The following PIK3CD variants were observed in gnomAD, a reference collection of about 807,000 sequenced individuals.
PIK3CD encodes the protein phosphatidylinositol 4,5-bisphosphate 3-kinase catalytic subunit delta isoform.
Under a neutral mutation model 122.9 loss-of-function variants are expected in PIK3CD, and 20 were observed. That is an observed-to-expected ratio of 0.16 (90% confidence interval 0.11 to 0.24). PIK3CD has a LOEUF of 0.24. Among genes scored for constraint, PIK3CD ranks in the 10% least tolerant of loss-of-function variants. The pLI is 1.00. For missense variants in PIK3CD, 787 were observed against 1,406.3 expected, an observed-to-expected ratio of 0.56 and a Z score of 7.04; for synonymous variants, 596 against 593.4, an observed-to-expected ratio of 1.00 and a Z score of -0.06.
At chr1:9,655,786 C>A (rs1236116966) in intron 1 of PIK3CD, among the ~76,000 whole-genome samples, 5 of 148,718 alleles carry the variant, frequency 3.4e-5, no homozygotes, top group African/African-American at 5.0e-5. Context: ...CAACCTCTGC[C>A]TCCAGGTTCA....
chr1:9,691,778 T>G, intron 2 of PIK3CD: 4 of 367,418 alleles, frequency 1.1e-5, no homozygotes, highest in Non-Finnish European at 1.4e-5. Flanking sequence ...ACCTCAGCCA[T>G]TCCCAGGAGA....
chr1:9,667,315 A>G (rs1397501590), intron 1 of PIK3CD, among the ~76,000 whole-genome samples: 2 of 152,098 alleles, frequency 1.3e-5, no homozygotes, highest in Non-Finnish European at 2.9e-5. Flanking sequence ...TGGGTGACCA[A>G]TTTATCCCAG....
chr1:9,709,333 T>TG (rs1646961441), intron 2 of PIK3CD, among the ~76,000 whole-genome samples: 1 of 151,672 alleles, frequency 6.6e-6, no homozygotes, highest in African/African-American at 2.4e-5. Context: ...TGTGAGCCAC[T>TG]GCACCCGGCC....
intron 1 of PIK3CD, among the ~76,000 whole-genome samples, chr1:9,673,947 G>A (rs1182224923): frequency 6.6e-6 from 1 of 152,174 alleles, no homozygotes; most frequent in African/African-American, 2.4e-5. Context: ...CAGGCATGGC[G>A]ACCTCTGTGG....
chr1:9,684,536 C>CAA (rs887585173), intron 1 of PIK3CD, among the ~76,000 whole-genome samples: 9 of 67,300 alleles, frequency 1.3e-4, no homozygotes, highest in South Asian at 4.6e-4. Context: ...GACTCCGTCT[C>CAA]AAAAAAAAAA....
chr1:9,711,737 A>G (rs968051096), intron 3 of PIK3CD, among the ~76,000 whole-genome samples: 7 of 151,272 alleles, frequency 4.6e-5, no homozygotes, highest in Non-Finnish European at 8.9e-5. Flanking sequence ...ATCAAGCCCA[A>G]CTAATTTTTC....
intron 1 of PIK3CD, among the ~76,000 whole-genome samples, chr1:9,684,667 CA>C (rs914844016): frequency 7.3e-5 from 11 of 151,482 alleles, no homozygotes; most frequent in African/African-American, 2.7e-4. Flanking sequence ...CCAGCCTGGA[CA>C]ACATAGCAAG....
chr1:9,660,271 G>A (rs904511002), intron 1 of PIK3CD, among the ~76,000 whole-genome samples: 2 of 152,180 alleles, frequency 1.3e-5, no homozygotes, highest in Admixed American at 6.5e-5. Context: ...CCACTCTATG[G>A]CTTTTGTGAA....
chr1:9,682,650 A>G (rs1389852085), intron 1 of PIK3CD, among the ~76,000 whole-genome samples: 1 of 152,066 alleles, frequency 6.6e-6, no homozygotes, highest in East Asian at 1.9e-4. Flanking sequence ...CCTGGGTTCA[A>G]GCGATTTTCC....
At chr1:9,694,144 T>G (rs1356877953) in intron 2 of PIK3CD, among the ~76,000 whole-genome samples, 1 of 152,198 alleles carries the variant, frequency 6.6e-6, no homozygotes. Context: ...CCATACAGCC[T>G]CTGGGCAGAC....
At chr1:9,630,739 T>TGTGTGTGTGC in the PIK3CD span, among the ~76,000 whole-genome samples, 87 of 150,960 alleles carry the variant, frequency 5.8e-4, no homozygotes, top group African/African-American at 1.9e-3. Flanking sequence ...TGTGTGTGTG[T>TGTGTGTGTGC]GCAGAAGAGG....
chr1:9,661,322 T>C (rs7533856), intron 1 of PIK3CD, among the ~76,000 whole-genome samples: 5,837 of 151,930 alleles, frequency 0.038, 249 homozygotes, highest in East Asian at 0.095. Flanking sequence ...TCAGGTGATC[T>C]ACTCGCCTCG....
upstream of PIK3CD, among the ~76,000 whole-genome samples, chr1:9,650,969 G>A (rs1305820209): frequency 2.0e-5 from 3 of 152,046 alleles, no homozygotes; most frequent in East Asian, 1.9e-4. Flanking sequence ...TCAGCCTCCC[G>A]AGTAGCTGGG....
rs199957522 is a variant in PIK3CD at position 9,723,321 on chromosome 1, C to T, written c.2594+29C>T. 1.6e-5 allele frequency: 25 copies of T among 1,612,492 alleles called. No individual in the cohort carries two copies. The East Asian group carries it at 4.7e-4, about 30-fold the overall frequency. ...GGTTTCAGGCCCAGGGATAGGTTCC[C>T]TCTCCTTTCCAAGAGGTGTGGAGTG... On this transcript the variant is annotated intron_variant, in intron 20 of 23. Coordinates refer to ENST00000377346, the MANE Select transcript of PIK3CD (RefSeq NM_005026.5). This position sits in a 1 kb window ranked among gnomAD's most constrained non-coding sequence, Gnocchi z 4.9.
intron 2 of PIK3CD, among the ~76,000 whole-genome samples, chr1:9,695,569 C>A (rs976801401): frequency 6.6e-6 from 1 of 152,136 alleles, no homozygotes; most frequent in African/African-American, 2.4e-5. Context: ...ACAGGCCAGG[C>A]GCAATGGCTC....
At chr1:9,628,846 GGAGACACT>G in the PIK3CD span, among the ~76,000 whole-genome samples, 1 of 152,108 alleles carries the variant, frequency 6.6e-6, no homozygotes, top group African/African-American at 2.4e-5. Flanking sequence ...TCAAGACTAG[GGAGACACT>G]GGGCAGTAAG....
At chr1:9,692,886 T>G (rs534344798) in intron 2 of PIK3CD, among the ~76,000 whole-genome samples, 21 of 152,144 alleles carry the variant, frequency 1.4e-4, no homozygotes, top group Non-Finnish European at 4.4e-5. Flanking sequence ...GGGTGCTTCT[T>G]TGGAACCCCA....
At chr1:9,685,267 A>T (rs1239796094) in intron 1 of PIK3CD, among the ~76,000 whole-genome samples, 1 of 152,176 alleles carries the variant, frequency 6.6e-6, no homozygotes, top group Non-Finnish European at 1.5e-5. Flanking sequence ...GTTTATTCTA[A>T]TAGAATTAAA....
intron 2 of PIK3CD, among the ~76,000 whole-genome samples, chr1:9,697,694 T>C (rs11121479): frequency 0.26 from 39,739 of 151,248 alleles, 8,154 homozygotes; most frequent in African/African-American, 0.57. Context: ...GATCACGCCA[T>C]TGCACTGTAG....
Sources: allele counts gnomAD v4.1 joint callset (sites outside exome capture counted in the v4.1 genomes callset), GRCh38; gene constraint gnomAD v4.1.1; non-coding constraint Gnocchi (gnomAD v3.1); transcripts MANE v1.5; gene names NCBI Gene and HGNC (gene_info 2026-07-23, HGNC 2026-07-21).